The following KIAA1328 variants were observed in gnomAD, a reference collection of about 807,000 sequenced individuals.
KIAA1328 encodes KIAA1328, also known as protein hinderin.
In KIAA1328, 52 loss-of-function variants were observed where a neutral mutation model predicts 68.1. The observed-to-expected ratio is 0.76, with a 90% CI of 0.61 to 0.96. KIAA1328 has a LOEUF of 0.96. KIAA1328 is among the 40% of genes least tolerant of loss of function. KIAA1328 has a pLI of 0.00. For missense variants in KIAA1328, 641 were observed against 677.6 expected (o/e 0.95, Z 0.60); for synonymous variants, 232 against 239.4 (o/e 0.97, Z 0.28).
At chr18:36,880,157 G>A (rs1234298313) in intron 4 of KIAA1328, among the ~76,000 whole-genome samples, 1 of 152,180 alleles carries the variant, frequency 6.6e-6, no homozygotes, top group Non-Finnish European at 1.5e-5. Flanking sequence ...CCCTGGTGGT[G>A]TAGGCACCCG....
Position 36,839,074 on chromosome 18 carries a change from T to C in KIAA1328, c.237+3698T>C, listed in dbSNP as rs564433184. Among the ~76,000 whole-genome samples the C allele has an allele frequency of 1.3e-3, 201 of 152,254 alleles. 2 individuals carry two copies. The highest frequency in any genetic ancestry group is 4.7e-3 in the African/African-American group (196 of 41,550). ...TTAAAGTATCTCTTTTGTTTGAGGTTTGTTGAGCTTTTTGGGACTGTGGGT... is the reference window on the plus strand; with the variant it reads ...TTAAAGTATCTCTTTTGTTTGAGGTCTGTTGAGCTTTTTGGGACTGTGGGT... On this transcript the variant is annotated intron_variant, in intron 3 of 9. Coordinates refer to ENST00000280020, the MANE Select transcript of KIAA1328 (RefSeq NM_020776.3).
chr18:36,983,154 G>A (rs981192919), intron 6 of KIAA1328, among the ~76,000 whole-genome samples: 12 of 151,968 alleles, frequency 7.9e-5, no homozygotes, highest in East Asian at 5.8e-4. Context: ...TTTAAGCACC[G>A]CAATTAAAAA....
chr18:36,926,951 C>G (rs1290841069), intron 5 of KIAA1328, among the ~76,000 whole-genome samples: 1 of 152,140 alleles, frequency 6.6e-6, no homozygotes, highest in Non-Finnish European at 1.5e-5. Context: ...CGGCACCTGG[C>G]AAGAGTGGAA....
At chr18:37,175,960 A>G (rs1226947522) in intron 9 of KIAA1328, among the ~76,000 whole-genome samples, 1 of 152,122 alleles carries the variant, frequency 6.6e-6, no homozygotes, top group Admixed American at 6.6e-5. Flanking sequence ...ATTTCATTCC[A>G]TGTGCAGGTG....
chr18:37,118,619 A>T (rs1241280188), intron 7 of KIAA1328, among the ~76,000 whole-genome samples: 1 of 152,128 alleles, frequency 6.6e-6, no homozygotes, highest in African/African-American at 2.4e-5. Context: ...TAATTCAGAG[A>T]CTTGAATTGA....
At chr18:36,974,209 G>A (rs1195233172) in intron 6 of KIAA1328, among the ~76,000 whole-genome samples, 5 of 151,982 alleles carry the variant, frequency 3.3e-5, no homozygotes, top group African/African-American at 1.2e-4. Flanking sequence ...GTATAGTTTC[G>A]TTACATGGCT....
chr18:37,187,143 G>A (rs1338936477), intron 9 of KIAA1328, among the ~76,000 whole-genome samples: 2 of 151,724 alleles, frequency 1.3e-5, no homozygotes, highest in Non-Finnish European at 2.9e-5. Flanking sequence ...CAGCCTGGGT[G>A]ACAGAGTGAG....
intron 5 of KIAA1328, among the ~76,000 whole-genome samples, chr18:36,953,977 G>T (rs1431520778): frequency 7.1e-6 from 1 of 140,738 alleles, no homozygotes. Context: ...CCCATATATT[G>T]AATTTGTCTG....
intron 4 of KIAA1328, among the ~76,000 whole-genome samples, chr18:36,852,085 T>G (rs1436039681): frequency 6.6e-6 from 1 of 152,180 alleles, no homozygotes; most frequent in Non-Finnish European, 1.5e-5. Flanking sequence ...TTTGTGCATT[T>G]TTTTGGTTTT....
rs1348017160 is a variant in KIAA1328 at position 37,117,947 on chromosome 18, A to G, written c.1233-42253A>G. 2.6e-5 allele frequency among the ~76,000 whole-genome samples: 4 copies of G among 151,218 alleles called. No homozygotes were observed. The South Asian group carries it at 6.2e-4, about 24-fold the overall frequency. ...GAATAAAGAATTACTTATAGCTCTT[A>G]TAGTCCCCATCTCTGCAACTGGTCC... is the stretch of plus-strand genomic sequence containing the variant. On this transcript the variant is annotated intron_variant, in intron 7 of 9. Coordinates refer to ENST00000280020, the MANE Select transcript of KIAA1328 (RefSeq NM_020776.3).
intron 6 of KIAA1328, among the ~76,000 whole-genome samples, chr18:37,033,885 C>T (rs954659606): frequency 1.3e-5 from 2 of 152,106 alleles, no homozygotes; most frequent in African/African-American, 4.8e-5. Context: ...CATTTGTTTG[C>T]CTTCTTTCAG....
intron 4 of KIAA1328, among the ~76,000 whole-genome samples, chr18:36,856,328 G>A (rs2047382205): frequency 1.3e-5 from 2 of 151,626 alleles, no homozygotes; most frequent in African/African-American, 4.8e-5. Flanking sequence ...TGATACCCTC[G>A]ATGTCATTCC....
intron 7 of KIAA1328, among the ~76,000 whole-genome samples, chr18:37,097,668 G>T (rs1212761817): frequency 6.6e-6 from 1 of 152,082 alleles, no homozygotes; most frequent in African/African-American, 2.4e-5. Context: ...CTTGGGCAGT[G>T]TGGCCATTTT....
At chr18:37,162,070 G>C (rs1401817611) in intron 8 of KIAA1328, among the ~76,000 whole-genome samples, 2 of 152,140 alleles carry the variant, frequency 1.3e-5, no homozygotes, top group African/African-American at 4.8e-5. Context: ...TTGCTGTATA[G>C]TCTGCTGACA....
chr18:36,928,103 T>C (rs1284858324), intron 5 of KIAA1328, among the ~76,000 whole-genome samples: 1 of 152,180 alleles, frequency 6.6e-6, no homozygotes, highest in Non-Finnish European at 1.5e-5. Context: ...GGGATATAGG[T>C]AGTTTCTGTT....
chr18:37,076,814 A>C (rs1356336947), intron 7 of KIAA1328, among the ~76,000 whole-genome samples: 1 of 152,034 alleles, frequency 6.6e-6, no homozygotes, highest in African/African-American at 2.4e-5. Context: ...TAGACCAATA[A>C]CAGGATCTGA....
chr18:36,944,078 A>G (rs943546769), intron 5 of KIAA1328, among the ~76,000 whole-genome samples: 1 of 152,256 alleles, frequency 6.6e-6, no homozygotes, highest in African/African-American at 2.4e-5. Flanking sequence ...AAATGATTGG[A>G]AGAATTGGAT....
intron 7 of KIAA1328, among the ~76,000 whole-genome samples, chr18:37,137,850 G>C (rs1306859577): frequency 6.6e-6 from 1 of 152,044 alleles, no homozygotes; most frequent in Non-Finnish European, 1.5e-5. Context: ...TCAGGTCCCA[G>C]CTTTTCCCTC....
At chr18:37,043,398 G>A (rs561500485) in intron 6 of KIAA1328, among the ~76,000 whole-genome samples, 46 of 152,104 alleles carry the variant, frequency 3.0e-4, no homozygotes, top group South Asian at 6.2e-4. Context: ...TCTTTCTCTC[G>A]AAAGTTGTTA....
Sources: gnomAD v4.1 joint callset for allele counts (sites outside exome capture counted in the v4.1 genomes callset) on GRCh38, gnomAD v4.1.1 for gene constraint, MANE v1.5 for transcripts, NCBI Gene and HGNC (gene_info 2026-07-23, HGNC 2026-07-21) for gene names.